Variants in STK32C observed in about 807,000 individuals in gnomAD.
STK32C encodes serine/threonine kinase 32C.
Under a neutral mutation model 56.5 loss-of-function variants are expected in STK32C, and 31 were observed. The observed-to-expected ratio is 0.55, with a 90% CI of 0.41 to 0.74. The LOEUF (loss-of-function observed/expected upper bound fraction) is 0.74, where lower values mean the gene tolerates loss of function less well. STK32C is among the 30% of genes least tolerant of loss of function. STK32C has a pLI of 0.00. For synonymous variants in STK32C, 309 were observed against 289.4 expected, an observed-to-expected ratio of 1.07 and a Z score of -0.69; for missense variants, 544 against 676.9, an observed-to-expected ratio of 0.80 and a Z score of 2.18.
intron 1 of STK32C, among the ~76,000 whole-genome samples, chr10:132,313,798 C>T (rs1412584570): frequency 6.6e-6 from 1 of 151,858 alleles, no homozygotes; most frequent in Non-Finnish European, 1.5e-5. Context: ...GAGACGAAGG[C>T]TAAGGAGATG....
At chr10:132,277,082 T>C (rs2065016062) in intron 1 of STK32C, among the ~76,000 whole-genome samples, 1 of 152,158 alleles carries the variant, frequency 6.6e-6, no homozygotes, top group Non-Finnish European at 1.5e-5. Context: ...CTAGACAGAG[T>C]GTAAGACTCT....
At chr10:132,253,856 C>A (rs1331418903) in intron 1 of STK32C, among the ~76,000 whole-genome samples, 1 of 152,260 alleles carries the variant, frequency 6.6e-6, no homozygotes, top group Admixed American at 6.5e-5. Flanking sequence ...GATCTGCCCT[C>A]CCGTGTGCCT....
intron 1 of STK32C, among the ~76,000 whole-genome samples, chr10:132,317,676 A>C (rs546892673): frequency 1.3e-5 from 2 of 152,292 alleles, no homozygotes; most frequent in East Asian, 3.9e-4. Flanking sequence ...ACAGTGAGTC[A>C]GGATTGCACC....
chr10:132,293,139 C>T (rs988866313), intron 1 of STK32C, among the ~76,000 whole-genome samples: 2 of 152,222 alleles, frequency 1.3e-5, no homozygotes, highest in South Asian at 2.1e-4. Flanking sequence ...GGGAGGGCAG[C>T]GCTGGGGAAG....
At chr10:132,259,561 G>A (rs114450742) in intron 1 of STK32C, among the ~76,000 whole-genome samples, 1,578 of 152,196 alleles carry the variant, frequency 0.01, 30 homozygotes, top group African/African-American at 0.034. Flanking sequence ...GTCTGAAAGT[G>A]TGTGTCACTT....
At chr10:132,224,047 C>A (rs542892298) in intron 8 of STK32C, among the ~76,000 whole-genome samples, 43 of 152,174 alleles carry the variant, frequency 2.8e-4, no homozygotes, top group Non-Finnish European at 5.0e-4. Context: ...CCCACCCACC[C>A]GACACCCTCC....
chr10:132,237,162 G>A (rs1458385733), intron 2 of STK32C, among the ~76,000 whole-genome samples: 1 of 152,066 alleles, frequency 6.6e-6, no homozygotes, highest in Non-Finnish European at 1.5e-5. Flanking sequence ...CCTGCCCCTG[G>A]GCTCCCACTC....
intron 1 of STK32C, among the ~76,000 whole-genome samples, chr10:132,247,387 T>C (rs940085086): frequency 1.3e-5 from 2 of 152,210 alleles, no homozygotes; most frequent in African/African-American, 4.8e-5. Flanking sequence ...TCCATCCTCA[T>C]GGGCCCTGGG....
At chr10:132,209,894 G>A (rs954123246) in intron 10 of STK32C, among the ~76,000 whole-genome samples, 1 of 152,206 alleles carries the variant, frequency 6.6e-6, no homozygotes, top group Non-Finnish European at 1.5e-5. Flanking sequence ...TGAGGCCAGA[G>A]GATGCCCACT....
chr10:132,235,045 G>A (rs1198932257), intron 2 of STK32C, among the ~76,000 whole-genome samples: 1 of 151,860 alleles, frequency 6.6e-6, no homozygotes, highest in African/African-American at 2.4e-5. Flanking sequence ...ACTGTGAGTG[G>A]TATGAACTGT....
intron 1 of STK32C, among the ~76,000 whole-genome samples, chr10:132,327,482 T>G (rs944601338): frequency 6.7e-6 from 1 of 148,928 alleles, no homozygotes; most frequent in African/African-American, 2.5e-5. Flanking sequence ...TAAAACAAAT[T>G]TTTTTTTTTT....
chr10:132,279,352 T>C (rs528526738), intron 1 of STK32C, among the ~76,000 whole-genome samples: 173 of 152,182 alleles, frequency 1.1e-3, no homozygotes, highest in Middle Eastern at 6.8e-3. Flanking sequence ...GATAAGAACA[T>C]ATCCCAAAGA....
chr10:132,319,644 G>A (rs963010490), downstream of STK32C, among the ~76,000 whole-genome samples: 1 of 152,222 alleles, frequency 6.6e-6, no homozygotes, highest in African/African-American at 2.4e-5. Flanking sequence ...TGTAGAGTCA[G>A]TGCTTCCCTA....
Position 132,284,418 on chromosome 10 carries a change from T to TG in STK32C, c.262+23153dup, listed in dbSNP as rs1365653674. On this transcript the variant is annotated intron_variant, in intron 1 of 11. Transcript: ENST00000298630. ...GTGAGGTTGCAGGGGCAGGTGAGGT[T>TG]GGGGGGGCAGGTGAGGTTGGGAGGG... 1.3e-3 allele frequency among the ~76,000 whole-genome samples: 10 copies of TG among 7,408 alleles called. No individual in the cohort carries two copies. In the East Asian group the frequency reaches 0.023, roughly 17 times the overall value. The allele number at this position is 7,408 out of a possible 152,430, so 4.9% of individuals were successfully genotyped here.
chr10:132,313,481 C>A (rs997404496), intron 1 of STK32C, among the ~76,000 whole-genome samples: 2 of 152,236 alleles, frequency 1.3e-5, no homozygotes, highest in Admixed American at 6.5e-5. Flanking sequence ...GGAGCGTGCA[C>A]CCCTCTCAGC....
chr10:132,286,199 T>G (rs1176558668), intron 1 of STK32C, among the ~76,000 whole-genome samples: 1 of 151,568 alleles, frequency 6.6e-6, no homozygotes. Context: ...ACAAAACTCA[T>G]TCCTTGAAAG....
intron 2 of STK32C, among the ~76,000 whole-genome samples, chr10:132,240,612 G>T (rs2063467229): frequency 6.6e-6 from 1 of 152,174 alleles, no homozygotes; most frequent in South Asian, 2.1e-4. Context: ...GGGGTGGGTG[G>T]GGGCTGTGGT....
At chr10:132,274,593 G>A (rs1009666664) in intron 1 of STK32C, among the ~76,000 whole-genome samples, 13 of 152,172 alleles carry the variant, frequency 8.5e-5, no homozygotes, top group African/African-American at 2.9e-4. Context: ...GGGCCTGGCC[G>A]CAGAGCCTCC....
upstream of STK32C, among the ~76,000 whole-genome samples, chr10:132,309,207 C>G (rs1445084204): frequency 2.0e-5 from 3 of 152,198 alleles, no homozygotes; most frequent in Non-Finnish European, 2.9e-5. Context: ...AGTGTGGCCG[C>G]CCGCCCTAAC....
Sources: allele counts gnomAD v4.1 joint callset (sites outside exome capture counted in the v4.1 genomes callset), GRCh38; gene constraint gnomAD v4.1.1; transcripts MANE v1.5; gene names NCBI Gene and HGNC (gene_info 2026-07-23, HGNC 2026-07-21).